BRI3: variants seen among roughly 807,000 people sequenced by gnomAD.
BRI3 encodes the protein membrane protein BRI3.
In BRI3, 6 loss-of-function variants were observed where a neutral mutation model predicts 12.8. The observed-to-expected ratio is 0.47, with a 90% CI of 0.26 to 0.93. The LOEUF is 0.93. Ranked by LOEUF, BRI3 falls within the 40% of genes least tolerant of loss-of-function variation. BRI3 has a pLI of 0.15. For synonymous variants in BRI3, 91 were observed against 76.1 expected (o/e 1.20, Z -1.02); for missense variants, 134 against 171.1 (o/e 0.78, Z 1.21).
chr7:98,282,179 C>A (rs2116692854), intron 1 of BRI3, among the ~76,000 whole-genome samples, 172 bp from the exon 2 acceptor site: 1 of 152,324 alleles, frequency 6.6e-6, no homozygotes. Context: ...TGTCACGAGG[C>A]GCTCGCTGTT....
At chr7:98,300,020 G>A (rs183047817) in intron 1 of BRI3, among the ~76,000 whole-genome samples, 11 of 152,266 alleles carry the variant, frequency 7.2e-5, no homozygotes, top group Admixed American at 6.5e-5. Flanking sequence ...CAGCCTGGGC[G>A]ACAGAGCAAG....
At chr7:98,292,915 C>T, downstream of BRI3, 1 of 1,401,058 alleles carries the variant, frequency 7.1e-7, no homozygotes. Flanking sequence ...GTGATAAGGG[C>T]AGGCAAAGCG....
At chr7:98,287,197 G>C (rs981702840) in intron 2 of BRI3, among the ~76,000 whole-genome samples, 3 of 152,248 alleles carry the variant, frequency 2.0e-5, no homozygotes, top group Non-Finnish European at 4.4e-5. Flanking sequence ...AAACAGGCTC[G>C]CTCTCCCCAG....
upstream of BRI3, among the ~76,000 whole-genome samples, chr7:98,305,698 C>T (rs773260372): frequency 1.3e-5 from 2 of 152,214 alleles, no homozygotes; most frequent in Non-Finnish European, 2.9e-5. Flanking sequence ...GCTGGGATTA[C>T]AGGCACAAGC....
chr7:98,301,615 C>G (rs1054586043), upstream of BRI3, among the ~76,000 whole-genome samples: 6 of 152,012 alleles, frequency 3.9e-5, no homozygotes, highest in African/African-American at 1.5e-4. Context: ...CCGTGCCCGG[C>G]CAAGCCTTCT....
At chr7:98,292,343 TC>T (rs1462242194), downstream of BRI3, 1 of 375,668 alleles carries the variant, frequency 2.7e-6, no homozygotes, top group African/African-American at 2.1e-5. Context: ...TGCCTCAGCC[TC>T]CTGAGTGGCG....
chr7:98,318,505 C>G, the BRI3 span, among the ~76,000 whole-genome samples: 1 of 151,946 alleles, frequency 6.6e-6, no homozygotes, highest in African/African-American at 2.4e-5. Context: ...TGGTCTCGAA[C>G]TCCTGACCTT....
intron 2 of BRI3, chr7:98,282,828 G>A: frequency 4.8e-6 from 1 of 208,642 alleles, no homozygotes; most frequent in Non-Finnish European, 9.8e-6. Context: ...AGTTTACTCT[G>A]CAGTTGATCG....
downstream of BRI3, chr7:98,292,396 A>G (rs1275969706): frequency 1.4e-5 from 7 of 494,644 alleles, no homozygotes; most frequent in Non-Finnish European, 2.5e-5. Context: ...TTTAGTAGAG[A>G]CTCCTGACCT....
chr7:98,311,314 T>A (rs1466586647), downstream of BRI3, among the ~76,000 whole-genome samples: 1 of 146,588 alleles, frequency 6.8e-6, no homozygotes. Context: ...GAGGCCGAGG[T>A]GGGCGGATCA....
chr7:98,315,200 C>T (rs946386296), downstream of BRI3, among the ~76,000 whole-genome samples: 35 of 152,174 alleles, frequency 2.3e-4, no homozygotes, highest in Non-Finnish European at 3.7e-4. Context: ...TGGCTCACTG[C>T]AGCCTCAACT....
At chr7:98,319,398 C>T in the BRI3 span, among the ~76,000 whole-genome samples, 68 of 152,328 alleles carry the variant, frequency 4.5e-4, no homozygotes, top group Non-Finnish European at 8.4e-4. Context: ...CCGCACACCA[C>T]CCACAGCCTG....
chr7:98,287,066 C>G (rs1048751896), intron 2 of BRI3, among the ~76,000 whole-genome samples: 4 of 152,232 alleles, frequency 2.6e-5, no homozygotes, highest in African/African-American at 9.6e-5. Flanking sequence ...GCTCTCAGGC[C>G]CAAGTGCTCG....
chr7:98,304,406 T>C, upstream of BRI3: 3 of 1,610,884 alleles, frequency 1.9e-6, no homozygotes, highest in Non-Finnish European at 2.5e-6. Context: ...CAGCACGTGT[T>C]AGATAATGTC....
chr7:98,312,131 G>A (rs1288642154), downstream of BRI3: 1 of 1,613,356 alleles, frequency 6.2e-7, no homozygotes, highest in Admixed American at 1.7e-5. Flanking sequence ...TGAAGCCTGA[G>A]GAGTTCCAGA....
chr7:98,313,046 T>A (rs1426743840), downstream of BRI3, among the ~76,000 whole-genome samples: 1 of 151,960 alleles, frequency 6.6e-6, no homozygotes, highest in African/African-American at 2.4e-5. Flanking sequence ...GCCTCTGAGT[T>A]TATCAAGAGT....
At chr7:98,312,110 T>A (rs1275215189), downstream of BRI3, 3 of 1,599,918 alleles carry the variant, frequency 1.9e-6, no homozygotes, top group African/African-American at 4.1e-5. Flanking sequence ...ATTGCTTCTC[T>A]CGATCATGGG....
upstream of BRI3, chr7:98,304,313 G>A (rs771357977): frequency 3.7e-6 from 6 of 1,613,332 alleles, no homozygotes; most frequent in Non-Finnish European, 5.1e-6. Flanking sequence ...AGTCGGGTGG[G>A]GGGATGACAA....
chr7:98,282,324 C>T, intron 1 of BRI3, 27 bp from the exon 2 acceptor site: 2 of 1,577,076 alleles, frequency 1.3e-6, no homozygotes, highest in African/African-American at 1.3e-5. Flanking sequence ...CTCCCTGCAC[C>T]CTAATGACCT....
Sources: allele counts gnomAD v4.1 joint callset (sites outside exome capture counted in the v4.1 genomes callset), GRCh38; gene constraint gnomAD v4.1.1; transcripts MANE v1.5; gene names NCBI Gene and HGNC (gene_info 2026-07-23, HGNC 2026-07-21).